PRDM15: variants seen among roughly 807,000 people sequenced by gnomAD.
PRDM15 encodes the protein PR/SET domain 15.
Under a neutral mutation model 128.6 loss-of-function variants are expected in PRDM15, and 64 were observed. The observed-to-expected ratio is 0.50, with a 90% CI of 0.41 to 0.61. PRDM15 has a LOEUF of 0.61. Ranked by LOEUF, PRDM15 falls within the 20% of genes least tolerant of loss-of-function variation. PRDM15 has a pLI of 0.00. For synonymous variants in PRDM15, 615 were observed against 621.8 expected, an observed-to-expected ratio of 0.99 and a Z score of 0.16; for missense variants, 1,242 against 1,569.1, an observed-to-expected ratio of 0.79 and a Z score of 3.52.
At chr21:41,848,425 C>T (rs1354917142) in intron 5 of PRDM15, among the ~76,000 whole-genome samples, 3 of 152,190 alleles carry the variant, frequency 2.0e-5, no homozygotes, top group Non-Finnish European at 4.4e-5. Context: ...GGGCACCCTG[C>T]CAGCAGGGCA....
At chr21:41,861,544 A>G in intron 1 of PRDM15, 1 of 1,427,290 alleles carries the variant, frequency 7.0e-7, no homozygotes, top group Non-Finnish European at 9.7e-7. Context: ...GCCCCCCCCC[A>G]ATCCCCAACT....
chr21:41,819,816 C>T, intron 17 of PRDM15, 115 bp from the exon 18 acceptor site: 1 of 1,387,260 alleles, frequency 7.2e-7, no homozygotes, highest in South Asian at 1.3e-5. Flanking sequence ...AGCGCAGTAA[C>T]AGGGGTGGGG....
At chr21:41,831,591 C>G (rs897390840) in intron 11 of PRDM15, among the ~76,000 whole-genome samples, 1 of 152,250 alleles carries the variant, frequency 6.6e-6, no homozygotes, top group Non-Finnish European at 1.5e-5. Context: ...ACAACCTCCC[C>G]CGGGAGAGCC....
intron 22 of PRDM15, 24 bp from the exon 23 acceptor site, chr21:41,802,945 G>A (rs768365847): frequency 1.6e-5 from 26 of 1,605,448 alleles, no homozygotes; most frequent in East Asian, 4.5e-5. Flanking sequence ...GGTTTCAGCC[G>A]AGAACCAGGT....
chr21:41,837,317 A>G (rs1478372866), intron 8 of PRDM15, among the ~76,000 whole-genome samples: 2 of 152,256 alleles, frequency 1.3e-5, no homozygotes. Flanking sequence ...CCAACTGTCC[A>G]TCAATGGATG....
chr21:41,803,793 G>A (rs2061482508), intron 22 of PRDM15, among the ~76,000 whole-genome samples: 2 of 151,964 alleles, frequency 1.3e-5, no homozygotes, highest in African/African-American at 2.4e-5. Context: ...CAGAACGAGA[G>A]GCATACATGT....
chr21:41,848,698 G>GGGCCA (rs1226965138), intron 5 of PRDM15, among the ~76,000 whole-genome samples: 1 of 152,160 alleles, frequency 6.6e-6, no homozygotes, highest in Admixed American at 6.5e-5. Flanking sequence ...GAATCCACGT[G>GGGCCA]GGCCATTGTC....
At chr21:41,818,917 G>A (rs1240654536) in intron 18 of PRDM15, among the ~76,000 whole-genome samples, 1 of 152,016 alleles carries the variant, frequency 6.6e-6, no homozygotes, top group Non-Finnish European at 1.5e-5. Context: ...AAGATTCCTC[G>A]GCCGTGGTGA....
Position 41,832,737 on chromosome 21 carries a change from T to C in PRDM15, c.1366+2700A>G, listed in dbSNP as rs2062739034. ...CCAGGCAGGTGCAAATCAGCACCCA[T>C]GAGCACCCCCTCCTGGGCAGGTGGC... On this transcript the variant is annotated intron_variant, in intron 11 of 23. Coordinates refer to ENST00000398548, the MANE Select transcript of PRDM15 (RefSeq NM_001040424.3). This position sits in a 1 kb window ranked among gnomAD's most constrained non-coding sequence, Gnocchi z 4.2. Among the ~76,000 whole-genome samples the C allele has an allele frequency of 6.6e-6, 1 of 152,132 alleles. No homozygotes were observed. The highest frequency in any genetic ancestry group is 1.5e-5 in the Non-Finnish European group (1 of 68,012).
chr21:41,815,644 C>G (rs1340516220), intron 19 of PRDM15, 61 bp downstream of exon 19: 1 of 1,593,068 alleles, frequency 6.3e-7, no homozygotes, highest in Non-Finnish European at 8.5e-7. Flanking sequence ...TCTCCCACGG[C>G]CCACCTGGCT....
intron 21 of PRDM15, among the ~76,000 whole-genome samples, chr21:41,808,997 C>T (rs184282306): frequency 6.6e-6 from 1 of 152,360 alleles, no homozygotes; most frequent in Admixed American, 6.5e-5. Flanking sequence ...TCTAAAACCC[C>T]CCGCCCCCGC....
intron 1 of PRDM15, among the ~76,000 whole-genome samples, chr21:41,869,765 C>T: frequency 6.6e-6 from 1 of 152,328 alleles, no homozygotes; most frequent in South Asian, 2.1e-4. Context: ...TATAAGTATA[C>T]ATCTTACATT....
chr21:41,838,701 G>C (rs2062975607), intron 7 of PRDM15, among the ~76,000 whole-genome samples: 1 of 152,186 alleles, frequency 6.6e-6, no homozygotes, highest in Admixed American at 6.5e-5. Flanking sequence ...AGAGACCTGG[G>C]GAAACTGGCC....
At chr21:41,861,243 C>G (rs1241565409) in intron 1 of PRDM15, among the ~76,000 whole-genome samples, 4 of 152,248 alleles carry the variant, frequency 2.6e-5, no homozygotes, top group African/African-American at 9.6e-5. Context: ...CAATGCGTGA[C>G]GTTGTGGAGG....
chr21:41,867,293 C>T, intron 1 of PRDM15: 1 of 1,610,886 alleles, frequency 6.2e-7, no homozygotes, highest in South Asian at 1.1e-5. Flanking sequence ...TCTACTCTAG[C>T]CCTGACCTCC....
In PRDM15 at chr21:41,835,518, C is replaced by T. The variant is rs765089948; in HGVS notation, c.1285G>A (p.Gly429Ser). Reference sequence around the variant, plus strand: ...GTGCCGCAGCGGTACCTGTACTCGCCGTCCACCTGGTCAGAGGGACACGCC... The same window carrying T: ...GTGCCGCAGCGGTACCTGTACTCGCTGTCCACCTGGTCAGAGGGACACGCC... ...SYKHSRNEVDGEYRYRCGTCE... is the reference protein window; with the variant it reads ...SYKHSRNEVDSEYRYRCGTCE... The change falls in exon 11 of 24, where the codon GGC becomes AGC. Residue 429 changes from glycine to serine, a missense_variant. Around this residue, in one of 3 missense-constraint regions of PRDM15, gnomAD observed 612 missense variants for 717.0 expected, o/e 0.85. Coordinates refer to ENST00000398548, the MANE Select transcript of PRDM15 (RefSeq NM_001040424.3). 3.1e-6 allele frequency: 5 copies of T among 1,608,524 alleles called. 1 individual carries two copies. In the East Asian group the frequency reaches 8.9e-5, roughly 29 times the overall value.
At chr21:41,801,762 C>T in intron 23 of PRDM15, 40 bp from the exon 24 acceptor site, 1 of 1,583,836 alleles carries the variant, frequency 6.3e-7, no homozygotes. Flanking sequence ...TTCATTTTTG[C>T]AAAATGGGGA....
At chr21:41,878,572 G>C in intron 1 of PRDM15, 1 of 485,066 alleles carries the variant, frequency 2.1e-6, no homozygotes, top group South Asian at 2.9e-5. Flanking sequence ...GGCACGCCCC[G>C]TCCCCGAACG....
rs1011357701 is a variant in PRDM15, at chr21:41,850,089, G to A, written c.539-2898C>T. Among the ~76,000 whole-genome samples the A allele has an allele frequency of 8.5e-5, 13 of 152,362 alleles. 2 individuals carry two copies. The highest frequency in any genetic ancestry group is 3.9e-4 in the East Asian group (2 of 5,192). ...ATTTTACTCTTTTCACCAGAAAGGT[G>A]ATTTTGAAAATTTTCTCGTTGGAAC... On this transcript the variant is annotated intron_variant, in intron 5 of 23. Coordinates refer to ENST00000398548, the MANE Select transcript of PRDM15 (RefSeq NM_001040424.3).
Sources: gnomAD v4.1 joint callset for allele counts (sites outside exome capture counted in the v4.1 genomes callset) on GRCh38, gnomAD v4.1.1 for gene constraint, gnomAD v4.1.1 regional missense constraint, Gnocchi (gnomAD v3.1) non-coding constraint, MANE v1.5 for transcripts, NCBI Gene and HGNC (gene_info 2026-07-23, HGNC 2026-07-21) for gene names.